Variants in HDAC9 observed in about 807,000 individuals in gnomAD.
HDAC9 encodes histone deacetylase 9.
A neutral mutation model predicts 139.4 loss-of-function variants in HDAC9; 41 were observed. That is an observed-to-expected ratio of 0.29 (90% CI 0.23 to 0.38). The LOEUF is 0.38. Among genes scored for constraint, HDAC9 ranks in the 10% least tolerant of loss-of-function variants. The pLI is 1.00. For missense variants in HDAC9, 1,147 were observed against 1,297.0 expected (o/e 0.88, Z 1.78); for synonymous variants, 517 against 476.2 (o/e 1.09, Z -1.12).
intron 1 of HDAC9, among the ~76,000 whole-genome samples, chr7:18,125,080 G>A (rs976429796): frequency 1.3e-5 from 2 of 151,996 alleles, no homozygotes; most frequent in African/African-American, 4.8e-5. Context: ...TTATATTTTT[G>A]ATAAATAGCC....
At chr7:18,290,268 C>T (rs1207442030), upstream of HDAC9, 24 of 326,982 alleles carry the variant, frequency 7.3e-5, no homozygotes, top group East Asian at 1.7e-3. Flanking sequence ...GTCTTTGCCC[C>T]CAAGTTATGC....
At chr7:18,735,703 G>A (rs1394310840) in intron 13 of HDAC9, among the ~76,000 whole-genome samples, 1 of 152,176 alleles carries the variant, frequency 6.6e-6, no homozygotes. Flanking sequence ...GCTTAGGATT[G>A]TCTTGGCTAT....
intron 1 of HDAC9, among the ~76,000 whole-genome samples, chr7:18,121,731 G>A (rs1475840346): frequency 1.3e-5 from 2 of 152,076 alleles, no homozygotes; most frequent in African/African-American, 4.8e-5. Context: ...GAACACTGAG[G>A]CCTAAACCTT....
intron 12 of HDAC9, among the ~76,000 whole-genome samples, chr7:18,671,168 A>G (rs543470754): frequency 6.6e-6 from 1 of 152,022 alleles, no homozygotes; most frequent in Non-Finnish European, 1.5e-5. Flanking sequence ...AAACCTATCA[A>G]GGACACGCTT....
intron 1 of HDAC9, among the ~76,000 whole-genome samples, chr7:18,157,854 T>TGAGAGAGAGAGAGAGAGAGA (rs1787336943): frequency 1.2e-5 from 1 of 82,222 alleles, no homozygotes; most frequent in East Asian, 2.9e-4. Flanking sequence ...AGAGAGAGAC[T>TGAGAGAGAGAGAGAGAGAGA]GAGGATCTGA....
intron 17 of HDAC9, chr7:18,807,973 T>C (rs1309949815): frequency 6.6e-6 from 1 of 152,216 alleles, no homozygotes; most frequent in African/African-American, 2.4e-5. Flanking sequence ...TCCACTGTTT[T>C]CTTATTGATT....
chr7:18,161,982 C>T (rs1787658500), intron 1 of HDAC9, among the ~76,000 whole-genome samples: 2 of 152,164 alleles, frequency 1.3e-5, no homozygotes, highest in African/African-American at 4.8e-5. Flanking sequence ...CTTTCTCCCT[C>T]ACTGATTCCT....
At chr7:18,413,366 A>G (rs1350461835) in intron 1 of HDAC9, among the ~76,000 whole-genome samples, 1 of 152,192 alleles carries the variant, frequency 6.6e-6, no homozygotes. Flanking sequence ...GGAACTAATG[A>G]TTCCAATCTG....
chr7:18,212,007 C>T (rs1299173127), intron 2 of HDAC9, among the ~76,000 whole-genome samples: 1 of 152,076 alleles, frequency 6.6e-6, no homozygotes, highest in Non-Finnish European at 1.5e-5. Flanking sequence ...TTGATTTGTT[C>T]ACGTTGCTCA....
At chr7:18,524,915 A>G (rs1314562018) in intron 2 of HDAC9, among the ~76,000 whole-genome samples, 3 of 151,960 alleles carry the variant, frequency 2.0e-5, no homozygotes, top group Non-Finnish European at 4.4e-5. Context: ...ACAGATAAGT[A>G]TATATATGGA....
chr7:18,806,048 T>TGAACTGGACTTTTTAAC (rs2129186385), intron 17 of HDAC9, among the ~76,000 whole-genome samples: 1 of 152,282 alleles, frequency 6.6e-6, no homozygotes. Flanking sequence ...AGGTTTTCAA[T>TGAACTGGACTTTTTAAC]GAGGCTGAAC....
At chr7:18,426,350 G>T (rs1324966982) in intron 1 of HDAC9, among the ~76,000 whole-genome samples, 1 of 152,186 alleles carries the variant, frequency 6.6e-6, no homozygotes. Flanking sequence ...TTATGCAAAT[G>T]CTAATGCAGT....
At chr7:18,279,611 G>A (rs1321825045) in intron 2 of HDAC9, among the ~76,000 whole-genome samples, 4 of 151,668 alleles carry the variant, frequency 2.6e-5, no homozygotes, top group Non-Finnish European at 5.9e-5. Context: ...GACTACAGGC[G>A]CCCGCCACCA....
At chr7:18,194,210 T>G (rs375352533) in intron 2 of HDAC9, among the ~76,000 whole-genome samples, 45 of 152,328 alleles carry the variant, frequency 3.0e-4, no homozygotes, top group African/African-American at 1.1e-3. Flanking sequence ...TTGTAGTCAT[T>G]TCTACTTGCA....
intron 22 of HDAC9, among the ~76,000 whole-genome samples, chr7:18,932,746 CGAAA>C (rs1216517982): frequency 2.0e-5 from 3 of 147,238 alleles, no homozygotes; most frequent in African/African-American, 7.5e-5. Context: ...AGGGAATTTC[CGAAA>C]GAAAGTTTCA....
In HDAC9 at chr7:18,795,862, C is replaced by A. The variant is rs187161578; in HGVS notation, c.2322+2410C>A. ...ACTCAAATATGATGGGGCTGATATA[C>A]CTGCAGGCCAGGAGCATTATTACTC... On this transcript the variant is annotated intron_variant, in intron 17 of 25. Transcript: ENST00000686413. Among the ~76,000 whole-genome samples the A allele has an allele frequency of 3.9e-3, 597 of 152,290 alleles. 15 individuals carry two copies. The highest frequency in any genetic ancestry group is 0.034 in the Admixed American group (527 of 15,290).
intron 1 of HDAC9, among the ~76,000 whole-genome samples, chr7:18,336,802 G>A (rs1193156008): frequency 1.3e-5 from 2 of 151,512 alleles, no homozygotes; most frequent in African/African-American, 4.8e-5. Context: ...AAAAGTGGTA[G>A]TGTCATACCA....
intron 25 of HDAC9, among the ~76,000 whole-genome samples, chr7:18,988,516 G>C (rs1243903359): frequency 6.6e-6 from 1 of 151,656 alleles, no homozygotes; most frequent in South Asian, 2.1e-4. Context: ...GTGTGGTGTG[G>C]TGCTGAAAAA....
chr7:18,992,682 TC>T (rs1342754483), intron 25 of HDAC9, among the ~76,000 whole-genome samples: 11 of 152,310 alleles, frequency 7.2e-5, no homozygotes, highest in African/African-American at 2.6e-4. Context: ...TAATACTACA[TC>T]TTGTCTCAAG....
Sources: gnomAD v4.1 joint callset for allele counts (sites outside exome capture counted in the v4.1 genomes callset) on GRCh38, gnomAD v4.1.1 for gene constraint, MANE v1.5 for transcripts, NCBI Gene and HGNC (gene_info 2026-07-23, HGNC 2026-07-21) for gene names.